Variants in MGRN1 observed in about 807,000 individuals in gnomAD.
MGRN1 encodes E3 ubiquitin-protein ligase MGRN1.
Under a neutral mutation model 69.2 loss-of-function variants are expected in MGRN1, and 29 were observed. The ratio of observed to expected loss-of-function variants is 0.42; its 90% CI spans 0.31 to 0.57. The LOEUF (loss-of-function observed/expected upper bound fraction) is 0.57, where lower values mean the gene tolerates loss of function less well. MGRN1 is among the 20% of genes least tolerant of loss of function. The probability of loss-of-function intolerance (pLI) is 0.15; values close to 1 mark genes in which losing one functional copy is unlikely to be tolerated. For missense variants in MGRN1, 998 were observed against 796.2 expected, an observed-to-expected ratio of 1.25 and a Z score of -3.05; for synonymous variants, 470 against 344.2, an observed-to-expected ratio of 1.37 and a Z score of -4.04.
Position 4,689,162 on chromosome 16 carries a change from G to A in MGRN1, c.*254G>A, listed in dbSNP as rs757294418. ...TTTCCATCCCTAGTTCAGAGCCCCC[G>A]TTCCCCAGGGTCCTGTGGGCTGAGC... On this transcript the variant is annotated 3_prime_UTR_variant, in exon 17 of 17. Coordinates refer to ENST00000262370, the MANE Select transcript of MGRN1 (RefSeq NM_015246.4). The A allele has an allele frequency of 5.0e-5, 24 of 482,494 alleles. No individual in the cohort carries two copies. Among genetic ancestry groups the A allele is most frequent in the South Asian group, 1.4e-4 (3 of 20,962 alleles). The allele number at this position is 482,494 out of a possible 1,614,324, so 29.9% of individuals were successfully genotyped here.
At chr16:4,658,020 G>C (rs995467976) in intron 5 of MGRN1, among the ~76,000 whole-genome samples, 1 of 151,570 alleles carries the variant, frequency 6.6e-6, no homozygotes, top group Non-Finnish European at 1.5e-5. Context: ...GGGATTACAG[G>C]TGTGAGCCAC....
intron 1 of MGRN1, among the ~76,000 whole-genome samples, chr16:4,644,579 G>C (rs955312759): frequency 6.6e-6 from 1 of 152,206 alleles, no homozygotes; most frequent in Admixed American, 6.5e-5. Context: ...CAAAGTGCTG[G>C]AATTACAGGT....
chr16:4,681,024 T>C (rs1184410148), intron 12 of MGRN1, among the ~76,000 whole-genome samples: 2 of 152,208 alleles, frequency 1.3e-5, no homozygotes, highest in Non-Finnish European at 2.9e-5. Context: ...GTTGATTCTG[T>C]CTGCTCCCAG....
chr16:4,641,766 G>A (rs1324331424), intron 1 of MGRN1, among the ~76,000 whole-genome samples: 8 of 152,066 alleles, frequency 5.3e-5, no homozygotes, highest in Non-Finnish European at 8.8e-5. Flanking sequence ...TGATTCGCCT[G>A]CCTCGGCCTC....
chr16:4,676,723 C>T (rs2079060944), intron 10 of MGRN1, among the ~76,000 whole-genome samples: 1 of 152,176 alleles, frequency 6.6e-6, no homozygotes, highest in South Asian at 2.1e-4. Context: ...CAGGAACATT[C>T]TACAGCAGCC....
chr16:4,625,162 GT>G, intron 1 of MGRN1, 114 bp downstream of exon 1: 1 of 1,017,372 alleles, frequency 9.8e-7, no homozygotes, highest in South Asian at 2.2e-5. Context: ...TCCGGGCCTC[GT>G]TGCTACCCCG....
chr16:4,654,715 G>T (rs922994788), intron 4 of MGRN1, among the ~76,000 whole-genome samples: 8 of 152,240 alleles, frequency 5.3e-5, no homozygotes, highest in Non-Finnish European at 1.2e-4. Context: ...CATGTGTCCT[G>T]TGCACAGCCC....
At chr16:4,668,415 A>C (rs2078854416) in intron 8 of MGRN1, 103 bp downstream of exon 8, 1 of 1,234,080 alleles carries the variant, frequency 8.1e-7, no homozygotes, top group Admixed American at 1.9e-5. Context: ...ACACACGCAC[A>C]TATACTCATA....
At chr16:4,667,083 G>T (rs2078821504) in intron 7 of MGRN1, among the ~76,000 whole-genome samples, 3 of 152,246 alleles carry the variant, frequency 2.0e-5, no homozygotes, top group Admixed American at 2.0e-4. Flanking sequence ...CTGCCTAGGA[G>T]TCGGAGGGGG....
At chr16:4,653,669 A>G (rs2141887258) in intron 4 of MGRN1, among the ~76,000 whole-genome samples, 1 of 150,038 alleles carries the variant, frequency 6.7e-6, no homozygotes, top group East Asian at 2.0e-4. Context: ...TTGTATTTTT[A>G]GTAGAGATGG....
At chr16:4,663,692 A>G (rs1188596100) in intron 5 of MGRN1, among the ~76,000 whole-genome samples, 2 of 152,152 alleles carry the variant, frequency 1.3e-5, no homozygotes, top group Admixed American at 6.5e-5. Context: ...GGTATGAGCA[A>G]TAGAAGCCCA....
rs2078989965 is a variant in MGRN1, at chr16:4,673,653, G to C, written c.951G>C (p.Arg317=). ...RYQANNCPIC[R]LPFRALLQIR... ...AGGCCAACAACTGCCCCATCTGCCG[G>C]CTGCGTGAGTTCCCCGGCCGGCTGT... Residue 317 remains arginine (R), a synonymous_variant, in exon 10 of 17, where the codon CGG becomes CGC. Transcript: ENST00000262370. 1 of 1,612,820 alleles carries C rather than the reference G, an allele frequency of 6.2e-7. No homozygotes were observed. The highest frequency in any genetic ancestry group is 2.2e-5 in the East Asian group (1 of 44,880).
At chr16:4,674,953 T>TTAA (rs754739701) in intron 10 of MGRN1, among the ~76,000 whole-genome samples, 5 of 152,040 alleles carry the variant, frequency 3.3e-5, no homozygotes, top group Non-Finnish European at 5.9e-5. Flanking sequence ...CCACCGCTTT[T>TTAA]TAATTAATTA....
At position 4,650,450 on chromosome 16, in the gene MGRN1, G is replaced by A. The variant is rs2078380241; in HGVS notation, c.174G>A (p.Met58Ile). 4 of 1,613,972 alleles carry A rather than the reference G, an allele frequency of 2.5e-6. No homozygotes were observed. Among genetic ancestry groups the A allele is most frequent in the East Asian group, 2.2e-5 (1 of 44,886 alleles). ...AAGGTTACCTCTTTGGAGAGAACAT[G>A]GATCTGAACTTCCTGGGCAGCCGCC... ...HPEGYLFGEN[M>I]DLNFLGSRPV... The change falls in exon 2 of 17, where the codon ATG (methionine) becomes ATA (isoleucine). Residue 58 changes from methionine to isoleucine, a missense_variant. Met to Ile is a conservative substitution (Grantham distance 10). Transcript: ENST00000262370.
intron 16 of MGRN1, among the ~76,000 whole-genome samples, chr16:4,684,668 C>T (rs1156413988): frequency 3.3e-5 from 5 of 152,268 alleles, no homozygotes; most frequent in Non-Finnish European, 7.3e-5. Context: ...TCGTGCTCTG[C>T]TCTGCTGGGA....
intron 10 of MGRN1, 95 bp downstream of exon 10, chr16:4,673,752 GAT>G (rs1567224722): frequency 3.2e-5 from 46 of 1,438,202 alleles, no homozygotes; most frequent in Non-Finnish European, 4.1e-5. Flanking sequence ...CAGGTCCGTT[GAT>G]GGCTAAGAAA....
At chr16:4,648,614 G>A (rs1171035259) in intron 1 of MGRN1, among the ~76,000 whole-genome samples, 2 of 102,000 alleles carry the variant, frequency 2.0e-5, no homozygotes, top group African/African-American at 5.0e-5. Flanking sequence ...GTGGTCACCC[G>A]GGTCCTCCTC....
In MGRN1 at chr16:4,688,999, C is replaced by G. The variant is rs1247902370; in HGVS notation, c.*91C>G. On this transcript the variant is annotated 3_prime_UTR_variant, in exon 17 of 17. Transcript: ENST00000262370. The stretch of plus-strand genomic sequence containing the variant: ...ACCCCGTTGTGAGCCGGCCTCCTGT[C>G]TGCATGCCCCCTGTGGCCACCAGGC... 2 of 1,438,410 alleles carry G rather than the reference C, an allele frequency of 1.4e-6. No homozygotes were observed. Among genetic ancestry groups the G allele is most frequent in the Admixed American group, 2.6e-5 (1 of 38,862 alleles). 89.1% of individuals were successfully genotyped at this position (1,438,410 alleles called of 1,614,324 possible). A position where few individuals can be genotyped will look rare whatever the true frequency, so the allele number is the denominator to read the frequency against.
intron 1 of MGRN1, among the ~76,000 whole-genome samples, chr16:4,629,147 C>CGTGTGTGTGT (rs1442184525): frequency 5.5e-3 from 267 of 48,682 alleles, no homozygotes; most frequent in South Asian, 0.01. Flanking sequence ...GCTTTCTGTT[C>CGTGTGTGTGT]GTATGTGTGT....
Sources: gnomAD v4.1 joint callset for allele counts (sites outside exome capture counted in the v4.1 genomes callset) on GRCh38, gnomAD v4.1.1 for gene constraint, MANE v1.5 for transcripts, NCBI Gene and HGNC (gene_info 2026-07-23, HGNC 2026-07-21) for gene names.